C12orf42: variants seen among roughly 807,000 people sequenced by gnomAD.
The protein encoded by C12orf42 is chromosome 12 open reading frame 42, also known as uncharacterized protein C12orf42.
In C12orf42, 25 loss-of-function variants were observed where a neutral mutation model predicts 21.6. The ratio of observed to expected loss-of-function variants is 1.16; its 90% CI spans 0.84 to 1.62. C12orf42 has a LOEUF of 1.62. Among genes scored for constraint, C12orf42 ranks in the 40% most tolerant of loss-of-function variants. The probability of loss-of-function intolerance (pLI) is 0.00; values close to 1 mark genes in which losing one functional copy is unlikely to be tolerated. For synonymous variants in C12orf42, 174 were observed against 175.0 expected, an observed-to-expected ratio of 0.99 and a Z score of 0.05; for missense variants, 483 against 459.3, an observed-to-expected ratio of 1.05 and a Z score of -0.47.
the C12orf42 span, among the ~76,000 whole-genome samples, chr12:103,207,707 C>A: frequency 6.6e-6 from 1 of 152,178 alleles, no homozygotes; most frequent in African/African-American, 2.4e-5. Flanking sequence ...CTGAAAATTG[C>A]CAGTGACTGC....
At chr12:103,065,885 G>T in the C12orf42 span, among the ~76,000 whole-genome samples, 5 of 152,216 alleles carry the variant, frequency 3.3e-5, no homozygotes, top group African/African-American at 4.8e-5. Context: ...CTGAAAGGCT[G>T]CCAGTTTTGA....
At chr12:103,057,744 A>G in the C12orf42 span, among the ~76,000 whole-genome samples, 1 of 152,018 alleles carries the variant, frequency 6.6e-6, no homozygotes, top group Admixed American at 6.6e-5. Flanking sequence ...GTCAAATGGT[A>G]TTTCTGATTC....
the C12orf42 span, among the ~76,000 whole-genome samples, chr12:103,537,003 A>AT: frequency 2.6e-4 from 39 of 151,270 alleles, no homozygotes; most frequent in African/African-American, 8.7e-4. Flanking sequence ...GAGCAGAGGG[A>AT]TTTTTTTTTA....
chr12:103,367,445 T>TAA (rs1301691974), intron 4 of C12orf42, among the ~76,000 whole-genome samples: 2 of 93,952 alleles, frequency 2.1e-5, no homozygotes, highest in African/African-American at 3.9e-5. Flanking sequence ...ACTATGGAAA[T>TAA]AAAAAAAAAA....
intron 4 of C12orf42, among the ~76,000 whole-genome samples, chr12:103,357,955 C>T (rs2043735608): frequency 6.6e-6 from 1 of 152,044 alleles, no homozygotes; most frequent in South Asian, 2.1e-4. Context: ...GTGTTCTGCT[C>T]TGAGTCTGCT....
chr12:103,155,753 G>A, the C12orf42 span, among the ~76,000 whole-genome samples: 7 of 141,878 alleles, frequency 4.9e-5, no homozygotes, highest in South Asian at 1.1e-3. Context: ...ATGTAAATGT[G>A]TACAAGTATG....
At chr12:103,541,826 G>A in the C12orf42 span, among the ~76,000 whole-genome samples, 2 of 152,048 alleles carry the variant, frequency 1.3e-5, no homozygotes, top group African/African-American at 4.8e-5. Context: ...CTGGTAAGAG[G>A]CCACATCAAG....
intron 1 of C12orf42, among the ~76,000 whole-genome samples, chr12:103,482,885 A>T (rs1024848766): frequency 6.6e-6 from 1 of 151,906 alleles, no homozygotes; most frequent in Non-Finnish European, 1.5e-5. Flanking sequence ...GGTTCTTCTT[A>T]TCTACTATTT....
intron 10 of C12orf42, among the ~76,000 whole-genome samples, chr12:103,254,940 A>T (rs971984597): frequency 2.1e-4 from 32 of 152,224 alleles, no homozygotes; most frequent in Non-Finnish European, 4.6e-4. Context: ...AAATTTTTTT[A>T]AATTATAAAT....
At chr12:103,492,925 G>A (rs764177507) in intron 1 of C12orf42, among the ~76,000 whole-genome samples, 1 of 152,018 alleles carries the variant, frequency 6.6e-6, no homozygotes, top group East Asian at 1.9e-4. Flanking sequence ...TTCACCCCAC[G>A]CAAGCAATCT....
At chr12:103,503,947 C>T in the C12orf42 span, 5 of 154,748 alleles carry the variant, frequency 3.2e-5, no homozygotes, top group Middle Eastern at 4.5e-3. Context: ...TCTAGTCCTC[C>T]TCTAGTCATG....
chr12:103,213,021 T>G, the C12orf42 span, among the ~76,000 whole-genome samples: 2 of 152,050 alleles, frequency 1.3e-5, no homozygotes, highest in African/African-American at 4.8e-5. Flanking sequence ...ATTATTAAAG[T>G]TCTACAATAA....
chr12:103,260,132 C>G (rs2034821590), intron 10 of C12orf42, among the ~76,000 whole-genome samples: 1 of 152,044 alleles, frequency 6.6e-6, no homozygotes, highest in Non-Finnish European at 1.5e-5. Context: ...TAATTGAAAC[C>G]AACTAATGAT....
chr12:103,094,185 G>A, the C12orf42 span, among the ~76,000 whole-genome samples: 1 of 152,094 alleles, frequency 6.6e-6, no homozygotes, highest in African/African-American at 2.4e-5. Context: ...TACATCCTTG[G>A]TTTCTCATTC....
the C12orf42 span, among the ~76,000 whole-genome samples, chr12:103,186,139 A>G: frequency 5.9e-5 from 9 of 152,296 alleles, no homozygotes; most frequent in African/African-American, 2.2e-4. Flanking sequence ...TGTTATAGTT[A>G]CCATCTCTTG....
At chr12:103,374,081 G>A (rs2045490939) in intron 3 of C12orf42, among the ~76,000 whole-genome samples, 1 of 152,140 alleles carries the variant, frequency 6.6e-6, no homozygotes. Flanking sequence ...TGGGTCTGGA[G>A]ACAAATGATG....
chr12:103,281,913 GAA>G (rs1555243151), intron 4 of C12orf42, among the ~76,000 whole-genome samples: 79 of 89,332 alleles, frequency 8.8e-4, no homozygotes, highest in African/African-American at 1.8e-3. Context: ...AAAGAAGAAA[GAA>G]AAAGAAAGAA....
At chr12:103,076,426 G>C in the C12orf42 span, among the ~76,000 whole-genome samples, 1 of 151,968 alleles carries the variant, frequency 6.6e-6, no homozygotes, top group African/African-American at 2.4e-5. Context: ...ATGTTGGCCA[G>C]TCAAACCCAT....
intron 2 of C12orf42, among the ~76,000 whole-genome samples, chr12:103,461,059 TA>T (rs1274381483): frequency 6.6e-6 from 1 of 152,226 alleles, no homozygotes; most frequent in Non-Finnish European, 1.5e-5. Flanking sequence ...ACAGACTGGT[TA>T]AAAATACTGT....
Sources: gnomAD v4.1 joint callset for allele counts (sites outside exome capture counted in the v4.1 genomes callset) on GRCh38, gnomAD v4.1.1 for gene constraint, MANE v1.5 for transcripts, NCBI Gene and HGNC (gene_info 2026-07-23, HGNC 2026-07-21) for gene names.